The following PDE4B variants were observed in gnomAD, a reference collection of about 807,000 sequenced individuals.
PDE4B encodes phosphodiesterase 4B.
A neutral mutation model predicts 82.2 loss-of-function variants in PDE4B; 20 were observed. The ratio of observed to expected loss-of-function variants is 0.24; its 90% CI spans 0.17 to 0.35. The LOEUF is 0.35. Ranked by LOEUF, PDE4B falls within the 10% of genes least tolerant of loss-of-function variation. The pLI, the probability that PDE4B is intolerant of heterozygous loss-of-function variation, is 1.00. For missense variants in PDE4B, 655 were observed against 907.2 expected, an observed-to-expected ratio of 0.72 and a Z score of 3.57; for synonymous variants, 320 against 318.9, an observed-to-expected ratio of 1.00 and a Z score of -0.04.
At chr1:66,084,667 G>A (rs1656913822) in intron 3 of PDE4B, among the ~76,000 whole-genome samples, 1 of 152,128 alleles carries the variant, frequency 6.6e-6, no homozygotes, top group African/African-American at 2.4e-5. Context: ...GGGTCTGGAA[G>A]CTCAGGTGTG....
chr1:65,802,643 T>C (rs1645706870), intron 1 of PDE4B, among the ~76,000 whole-genome samples: 3 of 152,228 alleles, frequency 2.0e-5, no homozygotes. Flanking sequence ...ACTATTGTCA[T>C]TGCATATGAA....
intron 7 of PDE4B, among the ~76,000 whole-genome samples, chr1:66,319,253 C>G (rs562268998): frequency 1.3e-5 from 2 of 152,274 alleles, no homozygotes; most frequent in East Asian, 3.9e-4. Context: ...TTTCTTAGTC[C>G]TCTTCTCCTC....
intron 3 of PDE4B, among the ~76,000 whole-genome samples, chr1:66,200,472 G>A (rs1013189801): frequency 6.6e-5 from 10 of 152,100 alleles, no homozygotes; most frequent in South Asian, 2.1e-4. Flanking sequence ...TTCTTCCTAC[G>A]CGTGAGCATG....
At chr1:66,053,549 A>G (rs1655147598) in intron 3 of PDE4B, among the ~76,000 whole-genome samples, 1 of 152,128 alleles carries the variant, frequency 6.6e-6, no homozygotes, top group Non-Finnish European at 1.5e-5. Flanking sequence ...GGCCAAGGTC[A>G]CACAGTGGGT....
intron 7 of PDE4B, among the ~76,000 whole-genome samples, chr1:66,302,856 T>C (rs1409569926): frequency 6.6e-6 from 1 of 152,184 alleles, no homozygotes; most frequent in African/African-American, 2.4e-5. Flanking sequence ...CTTCTCTTTC[T>C]GGGCTTTCAT....
intron 3 of PDE4B, among the ~76,000 whole-genome samples, chr1:66,015,766 G>C (rs1405405904): frequency 6.6e-6 from 1 of 152,052 alleles, no homozygotes; most frequent in African/African-American, 2.4e-5. Context: ...GAAAAGGTGG[G>C]GGGTGTTTGA....
intron 3 of PDE4B, among the ~76,000 whole-genome samples, chr1:66,174,753 AAGC>A (rs772731862): frequency 1.0e-5 from 1 of 98,330 alleles, no homozygotes; most frequent in African/African-American, 4.9e-5. Flanking sequence ...ATCTCAAAAA[AAGC>A]AACAACAACA....
chr1:66,356,540 A>G (rs1239932453), intron 9 of PDE4B, among the ~76,000 whole-genome samples: 1 of 152,202 alleles, frequency 6.6e-6, no homozygotes, highest in African/African-American at 2.4e-5. Context: ...CAGGGAAGCG[A>G]CCCATTCTCA....
chr1:66,090,932 T>C (rs1645010365), intron 3 of PDE4B, among the ~76,000 whole-genome samples: 1 of 152,032 alleles, frequency 6.6e-6, no homozygotes, highest in South Asian at 2.1e-4. Flanking sequence ...TTAAAATCTA[T>C]CCTTCAGTTG....
At chr1:66,040,765 A>G (rs1265286039) in intron 3 of PDE4B, among the ~76,000 whole-genome samples, 4 of 151,946 alleles carry the variant, frequency 2.6e-5, no homozygotes, top group Non-Finnish European at 5.9e-5. Flanking sequence ...TTAAGAAAGT[A>G]TTTGCAATTT....
At chr1:66,335,005 A>G (rs1389485389) in intron 8 of PDE4B, among the ~76,000 whole-genome samples, 1 of 152,232 alleles carries the variant, frequency 6.6e-6, no homozygotes, top group Non-Finnish European at 1.5e-5. Flanking sequence ...AAAAAAAACT[A>G]TATTCCATAT....
At chr1:65,839,146 AAATCTCTATATTATTT>A (rs1178625715) in intron 1 of PDE4B, among the ~76,000 whole-genome samples, 1 of 152,118 alleles carries the variant, frequency 6.6e-6, no homozygotes, top group East Asian at 1.9e-4. Context: ...ACAGTTATAA[AAATCTCTATATTATTT>A]ACCTCCAGCT....
At chr1:65,981,101 G>A (rs994316017) in intron 3 of PDE4B, among the ~76,000 whole-genome samples, 2 of 152,072 alleles carry the variant, frequency 1.3e-5, no homozygotes, top group African/African-American at 2.4e-5. Flanking sequence ...TCTCAGGTGT[G>A]TCCGTTAGAA....
chr1:66,351,144 T>C (rs1661786998), intron 8 of PDE4B, among the ~76,000 whole-genome samples: 1 of 152,236 alleles, frequency 6.6e-6, no homozygotes, highest in African/African-American at 2.4e-5. Context: ...AGGAATTTTT[T>C]ATTAGAGTTT....
chr1:66,221,750 C>T (rs557601971), intron 3 of PDE4B, among the ~76,000 whole-genome samples: 1 of 152,268 alleles, frequency 6.6e-6, no homozygotes. Context: ...AATATTTTCT[C>T]CTTTTATCCC....
chr1:66,137,070 G>T, intron 3 of PDE4B, among the ~76,000 whole-genome samples: 1 of 152,264 alleles, frequency 6.6e-6, no homozygotes, highest in Admixed American at 6.5e-5. Context: ...TGAAAGAGGA[G>T]AAATATTAGA....
At chr1:66,100,408 G>A (rs1452713589) in intron 3 of PDE4B, among the ~76,000 whole-genome samples, 1 of 152,068 alleles carries the variant, frequency 6.6e-6, no homozygotes, top group Non-Finnish European at 1.5e-5. Flanking sequence ...GATCTGTGAG[G>A]ATAGGGATTT....
At chr1:65,845,616 G>T (rs192637463) in intron 1 of PDE4B, among the ~76,000 whole-genome samples, 1 of 152,310 alleles carries the variant, frequency 6.6e-6, no homozygotes, top group East Asian at 1.9e-4. Context: ...GGGAAGCAGA[G>T]CTCTTGGTAT....
At chr1:66,103,846 T>C (rs1040545042) in intron 3 of PDE4B, among the ~76,000 whole-genome samples, 3 of 152,104 alleles carry the variant, frequency 2.0e-5, no homozygotes, top group African/African-American at 7.2e-5. Flanking sequence ...TTCTAGGAAA[T>C]GGGAAATCAT....
Sources: gnomAD v4.1 joint callset for allele counts (sites outside exome capture counted in the v4.1 genomes callset) on GRCh38, gnomAD v4.1.1 for gene constraint, MANE v1.5 for transcripts, NCBI Gene and HGNC (gene_info 2026-07-23, HGNC 2026-07-21) for gene names.